Variants in DCAF1 observed in about 807,000 individuals in gnomAD.
DCAF1 encodes DDB1 and CUL4 associated factor 1.
A neutral mutation model predicts 128.0 loss-of-function variants in DCAF1; 15 were observed. The observed-to-expected ratio is 0.12, with a 90% confidence interval of 0.08 to 0.18. The LOEUF is 0.18. DCAF1 is among the 10% of genes least tolerant of loss of function. The probability of loss-of-function intolerance (pLI) is 1.00; values close to 1 mark genes in which losing one functional copy is unlikely to be tolerated. For missense variants in DCAF1, 988 were observed against 1,649.5 expected (o/e 0.60, Z 6.95); for synonymous variants, 610 against 603.0 (o/e 1.01, Z -0.17).
rs782327458 is a variant in DCAF1 at position 51,413,113 on chromosome 3, C to T, written c.4037-47G>A. ...GATTGGGATTGGACTATTGCTGTGACCCTAAAACCTGCTTTTCCTCTAAAG... is the reference window on the plus strand; with the variant it reads ...GATTGGGATTGGACTATTGCTGTGATCCTAAAACCTGCTTTTCCTCTAAAG... On this transcript the variant is annotated intron_variant, in intron 21 of 24. Coordinates refer to ENST00000684031, the MANE Select transcript of DCAF1 (RefSeq NM_001387579.1). The T allele has an allele frequency of 1.8e-5, 29 of 1,609,670 alleles. No individual in the cohort carries two copies. The African/African-American group carries it at 3.6e-4, about 20-fold the overall frequency.
intron 15 of DCAF1, 92 bp from the exon 16 acceptor site, chr3:51,418,968 T>C (rs2107316079): frequency 7.0e-7 from 1 of 1,432,568 alleles, no homozygotes; most frequent in Non-Finnish European, 9.2e-7. Context: ...CACAGAACAT[T>C]AATGTTTCAA....
At chr3:51,499,311 A>G (rs556013071) in intron 1 of DCAF1, among the ~76,000 whole-genome samples, 1 of 152,142 alleles carries the variant, frequency 6.6e-6, no homozygotes, top group African/African-American at 2.4e-5. Flanking sequence ...TCCCTCTTTC[A>G]TGGGGATGGG....
chr3:51,411,973 C>T (rs945461428), intron 23 of DCAF1, among the ~76,000 whole-genome samples: 4 of 151,702 alleles, frequency 2.6e-5, no homozygotes, highest in African/African-American at 9.7e-5. Context: ...AATAGCCAGG[C>T]GTGGTGGTGG....
intron 23 of DCAF1, among the ~76,000 whole-genome samples, chr3:51,403,754 GA>G (rs533112874): frequency 3.9e-5 from 6 of 152,100 alleles, no homozygotes; most frequent in Non-Finnish European, 5.9e-5. Context: ...TGAGACACTA[GA>G]AAAAATCCTT....
intron 12 of DCAF1, among the ~76,000 whole-genome samples, chr3:51,427,756 C>T (rs1700027536): frequency 6.6e-6 from 1 of 152,074 alleles, no homozygotes; most frequent in Admixed American, 6.6e-5. Flanking sequence ...TCTCAGCATC[C>T]CAAGTAGCTA....
intron 16 of DCAF1, 70 bp downstream of exon 16, chr3:51,418,608 C>T: frequency 6.5e-7 from 1 of 1,532,112 alleles, no homozygotes; most frequent in Non-Finnish European, 8.7e-7. Flanking sequence ...AAAGGGTAAG[C>T]CTCCTTTACT....
At chr3:51,476,187 G>A (rs544094530) in intron 3 of DCAF1, among the ~76,000 whole-genome samples, 150 of 151,756 alleles carry the variant, frequency 9.9e-4, no homozygotes, top group African/African-American at 3.5e-3. Flanking sequence ...GAGGTCAGGA[G>A]GTCAAGACCA....
chr3:51,461,491 G>T (rs1703562986), intron 6 of DCAF1, among the ~76,000 whole-genome samples: 1 of 152,068 alleles, frequency 6.6e-6, no homozygotes, highest in Non-Finnish European at 1.5e-5. Context: ...AACCATTGTG[G>T]AAGTCAGTGT....
At position 51,467,638 on chromosome 3, in the gene DCAF1, T is replaced by TA. The variant is rs1704268824; in HGVS notation, c.188-763dup. On this transcript the variant is annotated intron_variant, in intron 4 of 24. Coordinates refer to ENST00000684031, the MANE Select transcript of DCAF1 (RefSeq NM_001387579.1). Reference sequence around the variant, plus strand: ...CGTTGTGCACATGTACCCTAGAACTTAAAGTATAATAAAAATATATATATA... The same window carrying TA: ...CGTTGTGCACATGTACCCTAGAACTTAAAAGTATAATAAAAATATATATATA... Among the ~76,000 whole-genome samples, 3 of 152,076 alleles carry TA rather than the reference T, an allele frequency of 2.0e-5. No homozygotes were observed. The East Asian group carries it at 5.8e-4, about 29-fold the overall frequency.
Position 51,420,771 on chromosome 3 carries a change from G to A in DCAF1, c.2199C>T (p.Asn733=), listed in dbSNP as rs782008035. Residue 733 remains asparagine (N), a synonymous_variant, in exon 15 of 25, where the codon AAC becomes AAT. Coordinates refer to ENST00000684031, the MANE Select transcript of DCAF1 (RefSeq NM_001387579.1). This position sits in a 1 kb window ranked among gnomAD's most constrained non-coding sequence, Gnocchi z 6.5. ...GTAAGGACAGGAGCACCTTGATGCC[G>A]TTGTTGGACTGAACCACATTCCACA... ...AKMWNVVQSN[N]GIKVLLSLLS... 1.7e-5 allele frequency: 28 copies of A among 1,614,066 alleles called. No homozygotes were observed. In the African/African-American group the frequency reaches 2.1e-4, roughly 12 times the overall value.
Position 51,414,868 on chromosome 3 carries a change from G to C in DCAF1, c.3604-11C>G, listed in dbSNP as rs782221321. On this transcript the variant is annotated splice_polypyrimidine_tract_variant and intron_variant, in intron 18 of 24. Transcript: ENST00000684031. Reference sequence around the variant, plus strand: ...CTGAATATCATAAATCTTTAGAGAAGAAGGGATGGGAAGAGAAAAATCAGA... The same window carrying C: ...CTGAATATCATAAATCTTTAGAGAACAAGGGATGGGAAGAGAAAAATCAGA... 6.2e-7 allele frequency: 1 copy of C among 1,605,392 alleles called. No homozygotes were observed. Among genetic ancestry groups the C allele is most frequent in the Admixed American group, 1.7e-5 (1 of 59,504 alleles).
chr3:51,500,431 A>G (rs1553663851), upstream of DCAF1, among the ~76,000 whole-genome samples: 1 of 152,178 alleles, frequency 6.6e-6, no homozygotes, highest in African/African-American at 2.4e-5. Context: ...TTATTTGGCC[A>G]TTTGCCTTAT....
intron 6 of DCAF1, among the ~76,000 whole-genome samples, chr3:51,460,225 CA>C (rs2108006316): frequency 6.6e-6 from 1 of 152,234 alleles, no homozygotes; most frequent in East Asian, 1.9e-4. Flanking sequence ...GATACAAAAT[CA>C]ATGTACAAAA....
At chr3:51,482,556 G>GGAGT (rs1706337848) in intron 3 of DCAF1, among the ~76,000 whole-genome samples, 1 of 151,560 alleles carries the variant, frequency 6.6e-6, no homozygotes, top group Admixed American at 6.6e-5. Flanking sequence ...CCTGAGCTCA[G>GGAGT]GAGTTCAAGA....
At chr3:51,444,044 A>G (rs1553639655) in intron 6 of DCAF1, 141 bp from the exon 7 acceptor site, 4 of 655,204 alleles carry the variant, frequency 6.1e-6, no homozygotes, top group Non-Finnish European at 9.7e-6. Flanking sequence ...TACAGCATCC[A>G]ATAGGTTCCT....
chr3:51,433,040 T>A (rs2107585013), intron 10 of DCAF1, 66 bp downstream of exon 10: 1 of 398,284 alleles, frequency 2.5e-6, no homozygotes, highest in East Asian at 3.6e-5. Context: ...ATTCTGCGAA[T>A]GTGATCTTTT....
At chr3:51,459,321 T>TTCC (rs1553643846) in intron 6 of DCAF1, among the ~76,000 whole-genome samples, 1 of 152,164 alleles carries the variant, frequency 6.6e-6, no homozygotes, top group Non-Finnish European at 1.5e-5. Flanking sequence ...AATGGATAAA[T>TTCC]TCCTCGACAC....
chr3:51,483,056 TTG>T (rs1706434002), intron 3 of DCAF1, among the ~76,000 whole-genome samples: 1 of 151,028 alleles, frequency 6.6e-6, no homozygotes, highest in Non-Finnish European at 1.5e-5. Context: ...GGAGAATTGC[TTG>T]AACCCAGGAG....
intron 4 of DCAF1, among the ~76,000 whole-genome samples, chr3:51,467,488 G>A (rs974415415): frequency 3.3e-5 from 5 of 152,064 alleles, no homozygotes; most frequent in South Asian, 2.1e-4. Context: ...ATCACACACC[G>A]GGGACTGTTG....
Sources: allele counts gnomAD v4.1 joint callset (sites outside exome capture counted in the v4.1 genomes callset), GRCh38; gene constraint gnomAD v4.1.1; non-coding constraint Gnocchi (gnomAD v3.1); transcripts MANE v1.5; gene names NCBI Gene and HGNC (gene_info 2026-07-23, HGNC 2026-07-21).